Variants in ADD3 observed in about 807,000 individuals in gnomAD.
ADD3 encodes gamma-adducin.
ADD3 carries 25 observed loss-of-function variants against 80.2 expected under a neutral mutation model. The observed-to-expected ratio is 0.31, with a 90% confidence interval of 0.23 to 0.44. ADD3 has a LOEUF of 0.44. Ranked by LOEUF, ADD3 falls within the 20% of genes least tolerant of loss-of-function variation. ADD3 has a pLI of 1.00. For missense variants in ADD3, 829 were observed against 847.5 expected (o/e 0.98, Z 0.27); for synonymous variants, 284 against 289.6 (o/e 0.98, Z 0.20).
chr10:110,126,760 G>A (rs995661265), intron 12 of ADD3, among the ~76,000 whole-genome samples: 1 of 152,140 alleles, frequency 6.6e-6, no homozygotes, highest in African/African-American at 2.4e-5. Context: ...GCCCAGGATA[G>A]TCGTGAACAC....
chr10:110,064,378 C>A (rs1048468534), intron 1 of ADD3, among the ~76,000 whole-genome samples: 2 of 152,142 alleles, frequency 1.3e-5, no homozygotes. Context: ...TGTTCCACAT[C>A]CTTGCCAGTA....
chr10:110,123,609 G>T (rs781471200), intron 9 of ADD3, among the ~76,000 whole-genome samples: 2 of 152,076 alleles, frequency 1.3e-5, no homozygotes, highest in Non-Finnish European at 1.5e-5. Context: ...TGTATGGTTT[G>T]GCAAATGTTA....
intron 1 of ADD3, among the ~76,000 whole-genome samples, chr10:110,057,642 G>A (rs1246873866): frequency 6.6e-6 from 1 of 152,106 alleles, no homozygotes; most frequent in African/African-American, 2.4e-5. Flanking sequence ...TTGCAGTAAA[G>A]TTTGAAAACC....
chr10:110,027,553 C>T (rs1028921808), intron 1 of ADD3, among the ~76,000 whole-genome samples: 1 of 152,132 alleles, frequency 6.6e-6, no homozygotes, highest in African/African-American at 2.4e-5. Flanking sequence ...TCAGTCCTGT[C>T]TATATTTTAC....
At chr10:110,042,942 A>G (rs1856536980) in intron 1 of ADD3, among the ~76,000 whole-genome samples, 2 of 152,132 alleles carry the variant, frequency 1.3e-5, no homozygotes, top group Non-Finnish European at 2.9e-5. Context: ...ATATTTTTCT[A>G]CTTCAGAGTT....
intron 2 of ADD3, among the ~76,000 whole-genome samples, chr10:110,103,474 ATTCC>A (rs1199024136): frequency 1.3e-5 from 2 of 152,206 alleles, no homozygotes; most frequent in Non-Finnish European, 2.9e-5. Flanking sequence ...AAAGACCACA[ATTCC>A]TTGCCACGTG....
At chr10:110,128,048 G>GTTTTTTT in intron 12 of ADD3, among the ~76,000 whole-genome samples, 1 of 126,598 alleles carries the variant, frequency 7.9e-6, no homozygotes, top group Non-Finnish European at 1.6e-5. Context: ...CTTTGTTTAG[G>GTTTTTTT]ATTTTTTTTT....
At chr10:110,091,065 T>G (rs1490983244) in intron 1 of ADD3, among the ~76,000 whole-genome samples, 2 of 151,974 alleles carry the variant, frequency 1.3e-5, no homozygotes, top group Non-Finnish European at 2.9e-5. Context: ...GCCAGAGAGG[T>G]AGGTAGGTTT....
chr10:110,085,074 C>T (rs1245707895), intron 1 of ADD3, among the ~76,000 whole-genome samples: 1 of 151,902 alleles, frequency 6.6e-6, no homozygotes, highest in Non-Finnish European at 1.5e-5. Context: ...ATTTTAATTC[C>T]CCCCCATTTT....
intron 1 of ADD3, among the ~76,000 whole-genome samples, chr10:110,055,484 G>A (rs1163778242): frequency 2.6e-5 from 4 of 151,998 alleles, no homozygotes; most frequent in Non-Finnish European, 5.9e-5. Flanking sequence ...ATTTGGCAAT[G>A]GTATTATCTC....
intron 1 of ADD3, among the ~76,000 whole-genome samples, chr10:110,010,374 G>C (rs1852200622): frequency 6.6e-6 from 1 of 152,338 alleles, no homozygotes; most frequent in South Asian, 2.1e-4. Flanking sequence ...AGTATAAGAA[G>C]TGTTTGAGGG....
At chr10:110,114,513 A>G (rs1264480204) in intron 3 of ADD3, among the ~76,000 whole-genome samples, 3 of 152,222 alleles carry the variant, frequency 2.0e-5, no homozygotes, top group African/African-American at 7.2e-5. Context: ...GGATCCATGC[A>G]TGAGTTAAGG....
intron 9 of ADD3, 21 bp downstream of exon 9, chr10:110,122,313 A>G: frequency 6.2e-7 from 1 of 1,607,946 alleles, no homozygotes; most frequent in Non-Finnish European, 8.5e-7. Flanking sequence ...AAATTGAAGT[A>G]AAACTTGGAT....
intron 12 of ADD3, among the ~76,000 whole-genome samples, chr10:110,129,920 C>T (rs567866613): frequency 2.0e-5 from 3 of 152,262 alleles, no homozygotes; most frequent in African/African-American, 7.2e-5. Flanking sequence ...CTGAAATTCT[C>T]ATTATTTCCT....
intron 1 of ADD3, among the ~76,000 whole-genome samples, chr10:110,067,519 T>G (rs895350313): frequency 1.3e-5 from 2 of 152,208 alleles, no homozygotes; most frequent in African/African-American, 4.8e-5. Flanking sequence ...GATTAATAAC[T>G]TGGAAATATC....
intron 1 of ADD3, among the ~76,000 whole-genome samples, chr10:110,019,909 A>G (rs1421695018): frequency 6.6e-6 from 1 of 152,220 alleles, no homozygotes; most frequent in Non-Finnish European, 1.5e-5. Context: ...TCATTACCCC[A>G]GGAGCTTGTC....
intron 1 of ADD3, among the ~76,000 whole-genome samples, chr10:110,081,962 G>C (rs940622545): frequency 6.6e-6 from 1 of 152,176 alleles, no homozygotes; most frequent in African/African-American, 2.4e-5. Flanking sequence ...ATAGATTGTA[G>C]TTTGAGCTGA....
At chr10:110,104,637 A>T (rs2133983515) in intron 2 of ADD3, among the ~76,000 whole-genome samples, 1 of 152,352 alleles carries the variant, frequency 6.6e-6, no homozygotes, top group South Asian at 2.1e-4. Flanking sequence ...TACACCTTCT[A>T]TTTAAAATTC....
intron 1 of ADD3, among the ~76,000 whole-genome samples, chr10:110,082,268 C>T: frequency 6.6e-6 from 1 of 151,646 alleles, no homozygotes; most frequent in East Asian, 1.9e-4. Flanking sequence ...CTTCAGAATA[C>T]ATTTGACCAT....
Sources: gnomAD v4.1 joint callset for allele counts (sites outside exome capture counted in the v4.1 genomes callset) on GRCh38, gnomAD v4.1.1 for gene constraint, MANE v1.5 for transcripts, NCBI Gene and HGNC (gene_info 2026-07-23, HGNC 2026-07-21) for gene names.